The following SLC39A10 variants were observed in gnomAD, a reference collection of about 807,000 sequenced individuals.
SLC39A10 encodes the protein zinc transporter ZIP10.
In SLC39A10, 13 loss-of-function variants were observed where a neutral mutation model predicts 65.1. The ratio of observed to expected loss-of-function variants is 0.20; its 90% CI spans 0.13 to 0.32. SLC39A10 has a LOEUF of 0.32. Ranked by LOEUF, SLC39A10 falls within the 10% of genes least tolerant of loss-of-function variation. SLC39A10 has a pLI of 1.00. For missense variants in SLC39A10, 831 were observed against 1,018.4 expected (o/e 0.82, Z 2.50); for synonymous variants, 321 against 342.2 (o/e 0.94, Z 0.68).
intron 2 of SLC39A10, among the ~76,000 whole-genome samples, chr2:195,625,321 G>A (rs1287921551): frequency 1.3e-5 from 2 of 151,244 alleles, no homozygotes; most frequent in African/African-American, 2.4e-5. Flanking sequence ...TGTTGCCCAG[G>A]CTGGAGTGCA....
At chr2:195,664,144 T>G (rs878938316) in intron 1 of SLC39A10, among the ~76,000 whole-genome samples, 1 of 35,438 alleles carries the variant, frequency 2.8e-5, no homozygotes, top group Admixed American at 2.2e-4. Context: ...AAATTCACTG[T>G]AAATATAATT....
Position 195,728,411 on chromosome 2 carries a change from G to T in SLC39A10, c.2337+62G>T. 2 of 1,447,916 alleles carry T rather than the reference G, an allele frequency of 1.4e-6. No homozygotes were observed. Among genetic ancestry groups the T allele is most frequent in the South Asian group, 1.4e-5 (1 of 71,138 alleles). 89.7% of individuals were successfully genotyped at this position (1,447,916 alleles called of 1,614,324 possible). On this transcript the variant is annotated intron_variant, in intron 9 of 9. Transcript: ENST00000359634. The surrounding 1 kb of genome is among the most constrained non-coding windows in gnomAD (Gnocchi z 4.4). ...GCAAATGAAAGAAATCCTTGGAAGT[G>T]GTTTGAAGCCAAACTATTTTTGAAA...
intron 1 of SLC39A10, among the ~76,000 whole-genome samples, chr2:195,673,172 T>A (rs2105755334): frequency 6.6e-6 from 1 of 152,330 alleles, no homozygotes; most frequent in African/African-American, 2.4e-5. Flanking sequence ...TTCAGTTGAC[T>A]AAACTATTAT....
At chr2:195,616,941 T>A (rs1688228451) in intron 2 of SLC39A10, among the ~76,000 whole-genome samples, 1 of 152,178 alleles carries the variant, frequency 6.6e-6, no homozygotes, top group South Asian at 2.1e-4. Flanking sequence ...ATGTTTTCCT[T>A]CTGTAAACTA....
intron 3 of SLC39A10, among the ~76,000 whole-genome samples, chr2:195,693,233 T>G (rs1423516046): frequency 6.6e-6 from 1 of 152,224 alleles, no homozygotes; most frequent in African/African-American, 2.4e-5. Flanking sequence ...CACTAGTATT[T>G]TGTTGAGGAC....
intron 1 of SLC39A10, among the ~76,000 whole-genome samples, chr2:195,668,865 CT>C (rs1282827263): frequency 6.6e-6 from 1 of 152,032 alleles, no homozygotes; most frequent in East Asian, 1.9e-4. Context: ...GGTAGATTAC[CT>C]GAGGTCAGGA....
intron 3 of SLC39A10, among the ~76,000 whole-genome samples, chr2:195,699,761 A>G (rs572781708): frequency 1.3e-5 from 2 of 152,154 alleles, no homozygotes; most frequent in East Asian, 3.9e-4. Flanking sequence ...TGTTTTGAGT[A>G]GTGTTCCTTA....
chr2:195,633,511 C>T (rs891759875), intron 2 of SLC39A10, among the ~76,000 whole-genome samples: 1 of 152,198 alleles, frequency 6.6e-6, no homozygotes, highest in Non-Finnish European at 1.5e-5. Flanking sequence ...GATAGTTGCT[C>T]TCTGCCAGTG....
intron 1 of SLC39A10, among the ~76,000 whole-genome samples, chr2:195,673,568 A>T (rs923710735): frequency 6.6e-6 from 1 of 152,214 alleles, no homozygotes; most frequent in African/African-American, 2.4e-5. Flanking sequence ...TGGATAAGTC[A>T]TTGCTAATTT....
intron 6 of SLC39A10, among the ~76,000 whole-genome samples, chr2:195,716,119 A>G (rs1383933558): frequency 6.6e-6 from 1 of 152,224 alleles, no homozygotes; most frequent in Non-Finnish European, 1.5e-5. Flanking sequence ...ACAAATTGTC[A>G]GAGAACGAGG....
chr2:195,736,554 C>A lies in SLC39A10; in HGVS notation c.*1513C>A, dbSNP rs953549720. The A allele has an allele frequency of 1.9e-5, 3 of 154,048 alleles. No homozygotes were observed. The highest frequency in any genetic ancestry group is 7.2e-5 in the African/African-American group (3 of 41,448). 9.5% of individuals were successfully genotyped at this position (154,048 alleles called of 1,614,324 possible). The stretch of plus-strand genomic sequence containing the variant: ...TGTTTTCATTTAGTACTCTTCTTTC[C>A]TCCTACTCTATGAACTTCAAAACAA... On this transcript the variant is annotated 3_prime_UTR_variant, in exon 10 of 10. Transcript: ENST00000359634.
At chr2:195,682,952 A>G (rs927494917) in intron 2 of SLC39A10, among the ~76,000 whole-genome samples, 2 of 152,032 alleles carry the variant, frequency 1.3e-5, no homozygotes, top group Non-Finnish European at 2.9e-5. Context: ...ATAAAGCCAT[A>G]TAGTGAGGTA....
chr2:195,624,887 CAAAAA>C (rs60370795), intron 2 of SLC39A10, among the ~76,000 whole-genome samples: 30 of 47,332 alleles, frequency 6.3e-4, no homozygotes, highest in Non-Finnish European at 6.1e-4. Context: ...GACTCCATCT[CAAAAA>C]AAAAAAAAAA....
At chr2:195,637,882 A>G (rs1688723975) in intron 2 of SLC39A10, among the ~76,000 whole-genome samples, 1 of 152,202 alleles carries the variant, frequency 6.6e-6, no homozygotes, top group African/African-American at 2.4e-5. Context: ...TTCTTTCCCC[A>G]TGTGAGATAA....
intron 2 of SLC39A10, among the ~76,000 whole-genome samples, chr2:195,628,212 G>A (rs1688514333): frequency 6.6e-6 from 1 of 152,172 alleles, no homozygotes. Context: ...TGAATTGTCT[G>A]TACTTTGAAC....
At chr2:195,705,713 G>A (rs1691375378) in intron 3 of SLC39A10, among the ~76,000 whole-genome samples, 1 of 152,082 alleles carries the variant, frequency 6.6e-6, no homozygotes, top group South Asian at 2.1e-4. Flanking sequence ...GAGATTTTCT[G>A]TAGATAGATC....
intron 8 of SLC39A10, among the ~76,000 whole-genome samples, chr2:195,723,889 A>G (rs1365986778): frequency 6.6e-6 from 1 of 152,186 alleles, no homozygotes; most frequent in African/African-American, 2.4e-5. Context: ...AATCCTGCAC[A>G]TGTACCCCAT....
chr2:195,688,071 A>T (rs1474260356), intron 3 of SLC39A10, among the ~76,000 whole-genome samples: 2 of 152,222 alleles, frequency 1.3e-5, no homozygotes, highest in Non-Finnish European at 2.9e-5. Context: ...TTAGCATTTT[A>T]AGCAACCCAA....
At chr2:195,688,371 A>T (rs1226045488) in intron 3 of SLC39A10, among the ~76,000 whole-genome samples, 1 of 152,132 alleles carries the variant, frequency 6.6e-6, no homozygotes, top group East Asian at 1.9e-4. Context: ...TTAAATTTAA[A>T]TGTTATAAAT....
Sources: allele counts gnomAD v4.1 joint callset (sites outside exome capture counted in the v4.1 genomes callset), GRCh38; gene constraint gnomAD v4.1.1; non-coding constraint Gnocchi (gnomAD v3.1); transcripts MANE v1.5; gene names NCBI Gene and HGNC (gene_info 2026-07-23, HGNC 2026-07-21).